The following TENT2 variants were observed in gnomAD, a reference collection of about 807,000 sequenced individuals.
The protein encoded by TENT2 is poly(A) RNA polymerase GLD2.
A neutral mutation model predicts 72.2 loss-of-function variants in TENT2; 44 were observed. That is an observed-to-expected ratio of 0.61 (90% confidence interval 0.48 to 0.78). The LOEUF (loss-of-function observed/expected upper bound fraction) is 0.78, where lower values mean the gene tolerates loss of function less well. Ranked by LOEUF, TENT2 falls within the 30% of genes least tolerant of loss-of-function variation. TENT2 has a pLI of 0.00. For synonymous variants in TENT2, 212 were observed against 192.5 expected, an observed-to-expected ratio of 1.10 and a Z score of -0.84; for missense variants, 541 against 569.6, an observed-to-expected ratio of 0.95 and a Z score of 0.51.
intron 4 of TENT2, among the ~76,000 whole-genome samples, chr5:79,632,214 A>G (rs1179651111): frequency 6.6e-6 from 1 of 152,202 alleles, no homozygotes; most frequent in Admixed American, 6.5e-5. Context: ...AGTCAGCTGA[A>G]TCTGCCAGCT....
At chr5:79,676,935 A>C (rs1028809480) in intron 12 of TENT2, among the ~76,000 whole-genome samples, 1 of 152,154 alleles carries the variant, frequency 6.6e-6, no homozygotes, top group African/African-American at 2.4e-5. Context: ...TATTTAGGGA[A>C]GATATTTCTA....
At chr5:79,681,092 T>C (rs1310543640) in intron 13 of TENT2, among the ~76,000 whole-genome samples, 2 of 151,628 alleles carry the variant, frequency 1.3e-5, no homozygotes, top group Non-Finnish European at 2.9e-5. Flanking sequence ...TTTCTCTTTT[T>C]CTGTTTTCTT....
At chr5:79,654,030 T>A (rs1467108808) in intron 10 of TENT2, among the ~76,000 whole-genome samples, 1 of 152,224 alleles carries the variant, frequency 6.6e-6, no homozygotes, top group Non-Finnish European at 1.5e-5. Flanking sequence ...TTAACACATT[T>A]CCTAGAATAA....
intron 8 of TENT2, among the ~76,000 whole-genome samples, chr5:79,645,428 G>T (rs1788022769): frequency 6.6e-6 from 1 of 152,046 alleles, no homozygotes; most frequent in Non-Finnish European, 1.5e-5. Context: ...CTAATTTAAA[G>T]AGTACATATT....
rs1825558364 is a variant in TENT2 at position 79,685,086 on chromosome 5, T to A, written c.1381-113T>A. 5 of 851,154 alleles carry A rather than the reference T, an allele frequency of 5.9e-6. No individual in the cohort carries two copies. The South Asian group carries it at 8.1e-5, about 14-fold the overall frequency. The allele number at this position is 851,154 out of a possible 1,614,324, so 52.7% of individuals were successfully genotyped here. A position where few individuals can be genotyped will look rare whatever the true frequency, so the allele number is the denominator to read the frequency against. ...AAAAGAAAAAATTTGAAGGAAAAAA[T>A]TATTCAAAATTTATCACCTAGAGAG... On this transcript the variant is annotated intron_variant, in intron 14 of 14. Coordinates refer to ENST00000453514, the MANE Select transcript of TENT2 (RefSeq NM_001114394.3).
Position 79,685,257 on chromosome 5 carries a change from C to T in TENT2, c.1439C>T (p.Ala480Val). The change falls in exon 15 of 15, where the codon GCT becomes GTT. Residue 480 changes from alanine to valine, a missense_variant. Coordinates refer to ENST00000453514, the MANE Select transcript of TENT2 (RefSeq NM_001114394.3). ...AACAGTATACTACCTGTAAGAGCTG[C>T]TGTCCTGAAAAGATAACTGGCCTCT... ...DLNSILPVRA[A>V]VLKR 1 of 1,599,492 alleles carries T rather than the reference C, an allele frequency of 6.3e-7. No homozygotes were observed. The highest frequency in any genetic ancestry group is 8.5e-7 in the Non-Finnish European group (1 of 1,175,076).
chr5:79,639,476 G>A (rs79190386), intron 4 of TENT2, among the ~76,000 whole-genome samples: 1 of 134,448 alleles, frequency 7.4e-6, no homozygotes, highest in African/African-American at 3.4e-5. Context: ...CAGTGAAGGT[G>A]GTTTTTTTTT....
intron 4 of TENT2, among the ~76,000 whole-genome samples, chr5:79,630,597 A>C (rs775786463): frequency 6.6e-6 from 1 of 152,034 alleles, no homozygotes; most frequent in Non-Finnish European, 1.5e-5. Flanking sequence ...GGGGATGGGG[A>C]GACTGCTTTA....
chr5:79,645,209 C>A lies in TENT2; in HGVS notation c.821+17C>A. Reference sequence around the variant, plus strand: ...TAAAGTCAGGTAAATAATTAATGAGCTTTCTTTTTTTAGTTCCTTTAGATC... The same window carrying A: ...TAAAGTCAGGTAAATAATTAATGAGATTTCTTTTTTTAGTTCCTTTAGATC... On this transcript the variant is annotated intron_variant, in intron 8 of 14. Coordinates refer to ENST00000453514, the MANE Select transcript of TENT2 (RefSeq NM_001114394.3). 1.9e-6 allele frequency: 3 copies of A among 1,589,358 alleles called. No homozygotes were observed. Among genetic ancestry groups the A allele is most frequent in the Non-Finnish European group, 2.6e-6 (3 of 1,168,466 alleles).
chr5:79,675,910 T>C (rs1816918281), intron 12 of TENT2, among the ~76,000 whole-genome samples: 1 of 152,076 alleles, frequency 6.6e-6, no homozygotes, highest in Non-Finnish European at 1.5e-5. Flanking sequence ...GTGTGTACTC[T>C]AGCATTAGAA....
In TENT2 at chr5:79,686,396, T is replaced by G. The variant is rs935595007; in HGVS notation, c.*1123T>G. The G allele has an allele frequency of 2.6e-5, 4 of 152,118 alleles. No individual in the cohort carries two copies. The highest frequency in any genetic ancestry group is 9.7e-5 in the African/African-American group (4 of 41,440). 9.4% of individuals were successfully genotyped at this position (152,118 alleles called of 1,614,324 possible). A position where few individuals can be genotyped will look rare whatever the true frequency, so the allele number is the denominator to read the frequency against. On this transcript the variant is annotated 3_prime_UTR_variant, in exon 15 of 15. Coordinates refer to ENST00000453514, the MANE Select transcript of TENT2 (RefSeq NM_001114394.3). ...ATTTATGTAAATATTTGTAAATTGG[T>G]CAGTGCCTGTAAATTTAAATATAAA... is the stretch of plus-strand genomic sequence containing the variant.
chr5:79,652,006 G>A (rs1056770472), intron 10 of TENT2, among the ~76,000 whole-genome samples: 2 of 152,012 alleles, frequency 1.3e-5, no homozygotes, highest in African/African-American at 4.8e-5. Context: ...TTTTAATAAT[G>A]ACAAAATGGA....
At chr5:79,667,551 A>T in intron 11 of TENT2, among the ~76,000 whole-genome samples, 1 of 152,156 alleles carries the variant, frequency 6.6e-6, no homozygotes. Context: ...AAATGTAATT[A>T]ATACTACAGC....
At chr5:79,633,508 T>C (rs1777353175) in intron 4 of TENT2, among the ~76,000 whole-genome samples, 1 of 144,998 alleles carries the variant, frequency 6.9e-6, no homozygotes, top group South Asian at 2.3e-4. Flanking sequence ...TGGCTTGATC[T>C]CAGCTCACTG....
In TENT2 at chr5:79,686,708, T is replaced by C. The variant is rs940372493; in HGVS notation, c.*1435T>C. The C allele has an allele frequency of 1.3e-5, 2 of 152,158 alleles. No individual in the cohort carries two copies. The highest frequency in any genetic ancestry group is 2.9e-5 in the Non-Finnish European group (2 of 68,008). 9.4% of individuals were successfully genotyped at this position (152,158 alleles called of 1,614,324 possible). A position where few individuals can be genotyped will look rare whatever the true frequency, so the allele number is the denominator to read the frequency against. On this transcript the variant is annotated 3_prime_UTR_variant, in exon 15 of 15. Transcript: ENST00000453514. ...TGAGATGAGACCGAGGCTGTAGTTA[T>C]CATCTAGAACTGAACTAAATCTACT...
At chr5:79,659,556 GTATA>G (rs71855117) in intron 11 of TENT2, among the ~76,000 whole-genome samples, 1,106 of 34,256 alleles carry the variant, frequency 0.032, 56 homozygotes, top group Middle Eastern at 0.12. Context: ...AAAAAAAAAT[GTATA>G]TATATATATA....
At chr5:79,668,090 T>C (rs910300518) in intron 11 of TENT2, among the ~76,000 whole-genome samples, 4 of 152,132 alleles carry the variant, frequency 2.6e-5, no homozygotes, top group African/African-American at 9.7e-5. Context: ...ACATTTAGTA[T>C]ATTCGAGAGC....
At chr5:79,618,518 GC>G (rs1162244457) in intron 1 of TENT2, among the ~76,000 whole-genome samples, 1 of 152,098 alleles carries the variant, frequency 6.6e-6, no homozygotes, top group Non-Finnish European at 1.5e-5. Flanking sequence ...GTAGGTGTGA[GC>G]CACCACATCC....
In TENT2 at chr5:79,687,164, C is replaced by G. The variant is rs371550921; in HGVS notation, c.*1891C>G. Among the ~76,000 whole-genome samples the G allele has an allele frequency of 3.9e-5, 6 of 152,238 alleles. No homozygotes were observed. The highest frequency in any genetic ancestry group is 2.6e-4 in the Admixed American group (4 of 15,294). ...CTTTGTTTTACCACGAAAAACAGAT[C>G]AAGAAGTCACTAAACTTAGACCCAA... On this transcript the variant is annotated 3_prime_UTR_variant, in exon 15 of 15. Coordinates refer to ENST00000453514, the MANE Select transcript of TENT2 (RefSeq NM_001114394.3).
Sources: allele counts gnomAD v4.1 joint callset (sites outside exome capture counted in the v4.1 genomes callset), GRCh38; gene constraint gnomAD v4.1.1; transcripts MANE v1.5; gene names NCBI Gene and HGNC (gene_info 2026-07-23, HGNC 2026-07-21).